The following SERPINB11 variants were observed in gnomAD, a reference collection of about 807,000 sequenced individuals.
SERPINB11 encodes the protein serpin B11.
SERPINB11 carries 32 observed loss-of-function variants against 36.7 expected under a neutral mutation model. That is an observed-to-expected ratio of 0.87 (90% CI 0.66 to 1.17). The LOEUF (loss-of-function observed/expected upper bound fraction) is 1.17. SERPINB11 is among the 50% of genes most tolerant of loss of function. The probability of loss-of-function intolerance (pLI) is 0.00; values close to 1 mark genes in which losing one functional copy is unlikely to be tolerated. For synonymous variants in SERPINB11, 174 were observed against 168.1 expected (o/e 1.04, Z -0.27); for missense variants, 528 against 458.4 (o/e 1.15, Z -1.39).
intron 5 of SERPINB11, 144 bp downstream of exon 5, chr18:63,716,296 AC>A (rs973197938): frequency 8.2e-5 from 42 of 509,926 alleles, no homozygotes; most frequent in African/African-American, 8.1e-4. Context: ...ATTTTGGAAT[AC>A]CCCTTACAAT....
At chr18:63,722,941 A>T in intron 7 of SERPINB11, 54 bp from the exon 8 acceptor site, 18 of 1,458,340 alleles carry the variant, frequency 1.2e-5, no homozygotes, top group Non-Finnish European at 1.6e-5. Flanking sequence ...ATGATATTTA[A>T]TGTAGAGGTC....
intron 1 of SERPINB11, among the ~76,000 whole-genome samples, chr18:63,707,197 C>T (rs893995414): frequency 1.3e-5 from 2 of 152,186 alleles, no homozygotes; most frequent in African/African-American, 4.8e-5. Context: ...AGCAAGTTCT[C>T]TTAGCCCAAA....
intron 5 of SERPINB11, 42 bp from the exon 6 acceptor site, chr18:63,719,971 G>A (rs764830664): frequency 6.6e-7 from 1 of 1,510,204 alleles, no homozygotes. Flanking sequence ...TCTATTATCA[G>A]GAGTTCAAAT....
Position 63,720,998 on chromosome 18 carries a change from A to G in SERPINB11, c.774+12A>G, listed in dbSNP as rs777319275. The G allele has an allele frequency of 2.3e-5, 36 of 1,599,726 alleles. No homozygotes were observed. The Admixed American group carries it at 6.1e-4, about 27-fold the overall frequency. ...CTAATCTGAAACAGGTAAAATTATAAGAATGCTATAATGCAGTTAAAGCAT... is the reference window on the plus strand; with the variant it reads ...CTAATCTGAAACAGGTAAAATTATAGGAATGCTATAATGCAGTTAAAGCAT... On this transcript the variant is annotated intron_variant, in intron 7 of 7. Transcript: ENST00000544088.
rs533122426 is a variant in SERPINB11 at position 63,714,200 on chromosome 18, C to T, written c.357+1507C>T. 3.0e-4 allele frequency among the ~76,000 whole-genome samples: 45 copies of T among 152,150 alleles called. No individual in the cohort carries two copies. In the South Asian group the frequency reaches 8.5e-3, roughly 29 times the overall value. On this transcript the variant is annotated intron_variant, in intron 4 of 7. Transcript: ENST00000544088. ...GCAGGTTCCATGAAGCCCCCCAAGC[C>T]GCAAAACCAGCAATTTTTTATTAGT...
At chr18:63,709,566 G>A (rs999978175) in intron 1 of SERPINB11, among the ~76,000 whole-genome samples, 14 of 147,804 alleles carry the variant, frequency 9.5e-5, no homozygotes, top group African/African-American at 2.5e-4. Context: ...AGCTGAGATC[G>A]CACCACTGCA....
chr18:63,703,740 G>T (rs1914298909), intron 1 of SERPINB11, among the ~76,000 whole-genome samples: 1 of 152,210 alleles, frequency 6.6e-6, no homozygotes, highest in Admixed American at 6.5e-5. Flanking sequence ...CACCCTTGGA[G>T]ATGTATTTCC....
rs770648097 is a variant in SERPINB11 at position 63,710,145 on chromosome 18, G to A, written c.-15-34G>A. 12 of 1,523,304 alleles carry A rather than the reference G, an allele frequency of 7.9e-6. No individual in the cohort carries two copies. The South Asian group carries it at 1.6e-4, about 20-fold the overall frequency. 94.4% of individuals were successfully genotyped at this position (1,523,304 alleles called of 1,614,324 possible). ...CCAGATACTATCTGTAACTTCAAGT[G>A]ATGTTCTGAGAATTTTTTCCCTTCT... On this transcript the variant is annotated intron_variant, in intron 1 of 7. Transcript: ENST00000544088.
intron 1 of SERPINB11, among the ~76,000 whole-genome samples, chr18:63,704,446 C>T (rs998877359): frequency 2.6e-5 from 4 of 152,112 alleles, no homozygotes; most frequent in Admixed American, 6.5e-5. Context: ...GAGGAAAGCC[C>T]GTGCACTTTG....
chr18:63,721,552 G>C (rs1914813709), intron 7 of SERPINB11, among the ~76,000 whole-genome samples: 1 of 152,214 alleles, frequency 6.6e-6, no homozygotes, highest in Non-Finnish European at 1.5e-5. Flanking sequence ...TGGACGTCTG[G>C]AAGCCTGCAG....
chr18:63,720,432 A>G, intron 6 of SERPINB11: 1 of 414,808 alleles, frequency 2.4e-6, no homozygotes, highest in Non-Finnish European at 4.2e-6. Flanking sequence ...CTTTCCATAT[A>G]TACTGTGGTT....
In SERPINB11 at chr18:63,716,034, G is replaced by A; in HGVS notation, c.358-1G>A. The stretch of plus-strand genomic sequence containing the variant: ...TTGTTCAATTATCATGTCTTTCATA[G>A]CAATATTTAAGCTGTTCTGAGAAAT... On this transcript the variant is annotated splice_acceptor_variant, in intron 4 of 7. Transcript: ENST00000544088. LOFTEE classifies it high-confidence loss of function. The A allele has an allele frequency of 2.5e-6, 4 of 1,586,392 alleles. No individual in the cohort carries two copies. The highest frequency in any genetic ancestry group is 2.6e-6 in the Non-Finnish European group (3 of 1,157,940).
intron 1 of SERPINB11, among the ~76,000 whole-genome samples, chr18:63,707,038 G>T (rs79303753): frequency 4.6e-5 from 7 of 152,128 alleles, no homozygotes; most frequent in Non-Finnish European, 1.0e-4. Flanking sequence ...TGTCTTTCTC[G>T]TAAGAATTAT....
chr18:63,718,350 A>C (rs897891635), intron 5 of SERPINB11, among the ~76,000 whole-genome samples: 1 of 151,952 alleles, frequency 6.6e-6, no homozygotes, highest in Non-Finnish European at 1.5e-5. Flanking sequence ...TGTTAATAGG[A>C]TTTATATAGA....
chr18:63,708,471 T>C (rs895002761), intron 1 of SERPINB11, among the ~76,000 whole-genome samples: 1 of 152,094 alleles, frequency 6.6e-6, no homozygotes, highest in African/African-American at 2.4e-5. Context: ...GATTTTTTCA[T>C]TGATTGACTA....
chr18:63,717,183 T>A (rs772774946), intron 5 of SERPINB11, among the ~76,000 whole-genome samples: 9 of 152,070 alleles, frequency 5.9e-5, no homozygotes, highest in Non-Finnish European at 2.9e-5. Flanking sequence ...TTTGTGAGAG[T>A]CATCCATGTA....
intron 7 of SERPINB11, 49 bp downstream of exon 7, chr18:63,721,035 AACAC>A (rs147551453): frequency 1.9e-5 from 26 of 1,392,884 alleles, no homozygotes; most frequent in East Asian, 2.4e-5. Context: ...TGTGCATGTT[AACAC>A]ACACACACAC....
intron 4 of SERPINB11, among the ~76,000 whole-genome samples, chr18:63,713,961 A>G (rs755700379): frequency 1.3e-5 from 2 of 152,166 alleles, no homozygotes; most frequent in African/African-American, 2.4e-5. Flanking sequence ...AGAGTTACTT[A>G]AGGTTGTTTC....
intron 1 of SERPINB11, among the ~76,000 whole-genome samples, chr18:63,704,794 T>C (rs574009737): frequency 6.6e-6 from 1 of 152,308 alleles, no homozygotes; most frequent in East Asian, 1.9e-4. Context: ...TACTGGCACA[T>C]ACATGAACCC....
Sources: gnomAD v4.1 joint callset for allele counts (sites outside exome capture counted in the v4.1 genomes callset) on GRCh38, gnomAD v4.1.1 for gene constraint, MANE v1.5 for transcripts, NCBI Gene and HGNC (gene_info 2026-07-23, HGNC 2026-07-21) for gene names.